Variants in ADAM23 observed in about 807,000 individuals in gnomAD.
ADAM23 encodes the protein disintegrin and metalloproteinase domain-containing protein 23.
Under a neutral mutation model 120.1 loss-of-function variants are expected in ADAM23, and 33 were observed. That is an observed-to-expected ratio of 0.27 (90% CI 0.21 to 0.37). The LOEUF (loss-of-function observed/expected upper bound fraction) is 0.37, where lower values mean the gene tolerates loss of function less well. Among genes scored for constraint, ADAM23 ranks in the 10% least tolerant of loss-of-function variants. ADAM23 has a pLI of 1.00. For missense variants in ADAM23, 862 were observed against 1,058.2 expected, an observed-to-expected ratio of 0.81 and a Z score of 2.57; for synonymous variants, 367 against 375.2, an observed-to-expected ratio of 0.98 and a Z score of 0.25.
At position 206,508,061 on chromosome 2, in the gene ADAM23, G is replaced by A. The variant is rs149828875; in HGVS notation, c.510-22824G>A. Among the ~76,000 whole-genome samples the A allele has an allele frequency of 4.1e-4, 63 of 151,962 alleles. No individual in the cohort carries two copies. In the East Asian group the frequency reaches 8.6e-3, roughly 21 times the overall value. On this transcript the variant is annotated intron_variant, in intron 3 of 25. Transcript: ENST00000264377. ...ACTTTTTTTTTTGAGACGGAGTCTC[G>A]CTCTGTTTCCCAGGCTGGAGTGCAG...
chr2:206,526,167 C>CAG (rs1559248358), intron 3 of ADAM23, among the ~76,000 whole-genome samples: 2 of 151,458 alleles, frequency 1.3e-5, no homozygotes, highest in African/African-American at 4.8e-5. Context: ...CACACACACA[C>CAG]ACACACACAC....
chr2:206,571,194 G>A lies in ADAM23; in HGVS notation c.1566+383G>A, dbSNP rs201407513. 6.6e-5 allele frequency among the ~76,000 whole-genome samples: 10 copies of A among 152,284 alleles called. No individual in the cohort carries two copies. The East Asian group carries it at 1.7e-3, about 26-fold the overall frequency. On this transcript the variant is annotated intron_variant, in intron 16 of 25. Coordinates refer to ENST00000264377, the MANE Select transcript of ADAM23 (RefSeq NM_003812.4). Reference sequence around the variant, plus strand: ...TGCCTGCTAAAAATTAAGCTTTCTCGGCCGGGCGCGGTGGCTGACGCCTGT... The same window carrying A: ...TGCCTGCTAAAAATTAAGCTTTCTCAGCCGGGCGCGGTGGCTGACGCCTGT...
At chr2:206,458,649 A>G (rs1189956180) in intron 2 of ADAM23, among the ~76,000 whole-genome samples, 1 of 152,208 alleles carries the variant, frequency 6.6e-6, no homozygotes, top group East Asian at 1.9e-4. Flanking sequence ...AAGGTGAACC[A>G]TTTGCTTCTT....
intron 18 of ADAM23, among the ~76,000 whole-genome samples, chr2:206,582,158 G>A (rs6435341): frequency 0.41 from 62,504 of 152,068 alleles, 13,160 homozygotes; most frequent in African/African-American, 0.47. Flanking sequence ...GATTACAGGC[G>A]TGAGCCACCA....
chr2:206,454,047 GA>G (rs1295868881), intron 2 of ADAM23, among the ~76,000 whole-genome samples: 1 of 152,236 alleles, frequency 6.6e-6, no homozygotes, highest in African/African-American at 2.4e-5. Flanking sequence ...ACTAATTACA[GA>G]GTAGTTAAGT....
intron 9 of ADAM23, among the ~76,000 whole-genome samples, chr2:206,554,912 T>A (rs1697611052): frequency 6.6e-6 from 1 of 151,990 alleles, no homozygotes; most frequent in African/African-American, 2.4e-5. Context: ...GATTACCCTC[T>A]TTTTTTGAAA....
intron 9 of ADAM23, 62 bp from the exon 10 acceptor site, chr2:206,557,365 G>A: frequency 4.6e-6 from 6 of 1,315,972 alleles, no homozygotes; most frequent in Non-Finnish European, 4.4e-6. Flanking sequence ...TGCTTTTACA[G>A]CATTTTGAAA....
At chr2:206,461,224 G>A (rs1180536884) in intron 2 of ADAM23, among the ~76,000 whole-genome samples, 1 of 151,710 alleles carries the variant, frequency 6.6e-6, no homozygotes, top group African/African-American at 2.4e-5. Context: ...ACCACACCTG[G>A]CTAATTTTTG....
At chr2:206,492,179 G>T (rs575376769) in intron 3 of ADAM23, among the ~76,000 whole-genome samples, 1 of 152,180 alleles carries the variant, frequency 6.6e-6, no homozygotes, top group Non-Finnish European at 1.5e-5. Flanking sequence ...CATAGGAGGG[G>T]TACCTAACCC....
intron 3 of ADAM23, among the ~76,000 whole-genome samples, chr2:206,508,671 A>G (rs1574504395): frequency 6.6e-6 from 1 of 151,346 alleles, no homozygotes; most frequent in East Asian, 1.9e-4. Context: ...AAAAAAAAAA[A>G]AGAAAGAAAA....
At chr2:206,444,939 C>G (rs958847286) in intron 1 of ADAM23, among the ~76,000 whole-genome samples, 21 of 152,050 alleles carry the variant, frequency 1.4e-4, no homozygotes, top group Non-Finnish European at 2.6e-4. Context: ...GGGTGGAGAT[C>G]GGGGGCAGGA....
At chr2:206,518,308 G>A (rs1696774491) in intron 3 of ADAM23, among the ~76,000 whole-genome samples, 1 of 152,138 alleles carries the variant, frequency 6.6e-6, no homozygotes, top group Admixed American at 6.5e-5. Context: ...TAAAAATTCA[G>A]TTTTAGTATT....
intron 6 of ADAM23, among the ~76,000 whole-genome samples, chr2:206,543,778 C>T (rs1267625263): frequency 1.3e-5 from 2 of 152,070 alleles, no homozygotes. Context: ...CACGCACACG[C>T]ACCATGGAAT....
At chr2:206,566,034 C>A (rs1025367236) in intron 14 of ADAM23, among the ~76,000 whole-genome samples, 1 of 151,950 alleles carries the variant, frequency 6.6e-6, no homozygotes, top group African/African-American at 2.4e-5. Flanking sequence ...CCCTATTACT[C>A]CATAGCTTAG....
intron 2 of ADAM23, among the ~76,000 whole-genome samples, chr2:206,449,738 G>A (rs1039486127): frequency 1.3e-5 from 2 of 152,154 alleles, no homozygotes; most frequent in African/African-American, 4.8e-5. Context: ...TCCACCCTGG[G>A]CCACAGAATG....
chr2:206,587,057 A>G (rs1231651020), intron 18 of ADAM23, among the ~76,000 whole-genome samples: 2 of 152,208 alleles, frequency 1.3e-5, no homozygotes, highest in Non-Finnish European at 2.9e-5. Context: ...TTAACTCTGT[A>G]GGCAAGTGAA....
At position 206,547,514 on chromosome 2, in the gene ADAM23, T is replaced by A; in HGVS notation, c.793+13T>A. The A allele has an allele frequency of 6.3e-7, 1 of 1,591,860 alleles. No individual in the cohort carries two copies. Among genetic ancestry groups the A allele is most frequent in the South Asian group, 1.1e-5 (1 of 89,922 alleles). On this transcript the variant is annotated intron_variant, in intron 7 of 25. Coordinates refer to ENST00000264377, the MANE Select transcript of ADAM23 (RefSeq NM_003812.4). Reference sequence around the variant, plus strand: ...ATGAAGAATCTCAGTAAGTTTTAACTAAAAATAGCGATTATATTTTATGTA... The same window carrying A: ...ATGAAGAATCTCAGTAAGTTTTAACAAAAAATAGCGATTATATTTTATGTA...
chr2:206,559,856 C>A, intron 10 of ADAM23, 99 bp from the exon 11 acceptor site: 1 of 1,054,054 alleles, frequency 9.5e-7, no homozygotes, highest in Non-Finnish European at 1.4e-6. Context: ...CGTGTTCTCT[C>A]ACCTCCCCCT....
At chr2:206,447,339 T>C (rs985656494) in intron 2 of ADAM23, among the ~76,000 whole-genome samples, 5 of 152,232 alleles carry the variant, frequency 3.3e-5, no homozygotes, top group African/African-American at 9.6e-5. Flanking sequence ...TTTAACTCTA[T>C]AAACATTTGT....
Sources: gnomAD v4.1 joint callset for allele counts (sites outside exome capture counted in the v4.1 genomes callset) on GRCh38, gnomAD v4.1.1 for gene constraint, MANE v1.5 for transcripts, NCBI Gene and HGNC (gene_info 2026-07-23, HGNC 2026-07-21) for gene names.